The following BCL10 variants were observed in gnomAD, a reference collection of about 807,000 sequenced individuals.
BCL10 encodes the protein BCL10 immune signaling adaptor, also known as B-cell lymphoma/leukemia 10.
Under a neutral mutation model 19.2 loss-of-function variants are expected in BCL10, and 5 were observed. That is an observed-to-expected ratio of 0.26 (90% CI 0.14 to 0.55). BCL10 has a LOEUF of 0.55. Among genes scored for constraint, BCL10 ranks in the 20% least tolerant of loss-of-function variants. BCL10 has a pLI of 0.94. For synonymous variants in BCL10, 110 were observed against 98.8 expected (o/e 1.11, Z -0.67); for missense variants, 201 against 271.9 (o/e 0.74, Z 1.83).
rs1660197965 is a variant in BCL10 at position 85,266,560 on chromosome 1, C to T, written c.*1067G>A. The T allele has an allele frequency of 5.5e-6, 1 of 182,504 alleles. No homozygotes were observed. The highest frequency in any genetic ancestry group is 1.2e-5 in the Non-Finnish European group (1 of 85,670). 11.3% of individuals were successfully genotyped at this position (182,504 alleles called of 1,614,324 possible). On this transcript the variant is annotated 3_prime_UTR_variant, in exon 3 of 3. Coordinates refer to ENST00000648566, the MANE Select transcript of BCL10 (RefSeq NM_003921.5). ...CCTCATTAAAAGAGAATGAAAAGTA[C>T]AGAGAAAATATTTTTTAAAAATCTC...
intron 1 of BCL10, among the ~76,000 whole-genome samples, chr1:85,271,466 G>A (rs2100748811): frequency 6.6e-6 from 1 of 152,256 alleles, no homozygotes; most frequent in East Asian, 1.9e-4. Flanking sequence ...AGTCTTGGTG[G>A]AAGGGAGATG....
At position 85,276,325 on chromosome 1, in the gene BCL10, C is replaced by G. The variant is rs1403156514; in HGVS notation, c.28G>C (p.Glu10Gln). 6.2e-7 allele frequency: 1 copy of G among 1,613,474 alleles called. No homozygotes were observed. Among genetic ancestry groups the G allele is most frequent in the Non-Finnish European group, 8.5e-7 (1 of 1,179,664 alleles). Reference protein sequence around the residue: MEPTAPSLTEEDLTEVKKDA... With the variant: MEPTAPSLTQEDLTEVKKDA... ...TTCTTCACTTCAGTGAGGTCCTCCT[C>G]GGTGAGGGACGGTGCGGTGGGCTCC... Residue 10 changes from glutamate (E) to glutamine (Q), a missense_variant, in exon 1 of 3, where the codon GAG becomes CAG. Physicochemically the swap from Glu to Gln is conservative, Grantham distance 29 (BLOSUM62 2). Around this residue, in one of 3 missense-constraint regions of BCL10, gnomAD observed 24 missense variants for 16.6 expected, o/e 1.45. Transcript: ENST00000648566.
At chr1:85,275,967 G>T (rs1220903513) in intron 1 of BCL10, among the ~76,000 whole-genome samples, 2 of 152,236 alleles carry the variant, frequency 1.3e-5, no homozygotes, top group African/African-American at 2.4e-5. Context: ...AATCTGAGCC[G>T]CCAGTCCCTA....
chr1:85,272,625 C>T (rs12134420), intron 1 of BCL10, among the ~76,000 whole-genome samples: 30,063 of 151,936 alleles, frequency 0.2, 3,038 homozygotes, highest in Middle Eastern at 0.21. Context: ...AGTTCCTTTA[C>T]GTGGCAGAAG....
intron 1 of BCL10, among the ~76,000 whole-genome samples, chr1:85,272,299 A>G (rs1041998131): frequency 6.6e-6 from 1 of 152,100 alleles, no homozygotes; most frequent in African/African-American, 2.4e-5. Flanking sequence ...TGGCTTGATC[A>G]TAGCTCACTG....
intron 1 of BCL10, among the ~76,000 whole-genome samples, chr1:85,274,623 G>A (rs779163276): frequency 6.6e-6 from 1 of 152,156 alleles, no homozygotes; most frequent in Non-Finnish European, 1.5e-5. Flanking sequence ...TTTGGGAAAA[G>A]GATAGTAAAA....
rs1660212992 is a variant in BCL10, at chr1:85,266,909, A to AAAAAAACC, written c.*717_*718insGGTTTTTT. On this transcript the variant is annotated 3_prime_UTR_variant, in exon 3 of 3. Coordinates refer to ENST00000648566, the MANE Select transcript of BCL10 (RefSeq NM_003921.5). ...AAAAAAAAAAAAAAAGAAAAAAGGA[A>AAAAAAACC]AAAATACCTCATCAAATTACATGTA... 5.5e-6 allele frequency: 1 copy of AAAAAAACC among 180,508 alleles called. No homozygotes were observed. Among genetic ancestry groups the AAAAAAACC allele is most frequent in the African/African-American group, 2.4e-5 (1 of 41,884 alleles). The allele number at this position is 180,508 out of a possible 1,614,324, so 11.2% of individuals were successfully genotyped here.
chr1:85,271,198 T>C (rs1220448895), intron 1 of BCL10, among the ~76,000 whole-genome samples: 2 of 152,186 alleles, frequency 1.3e-5, no homozygotes, highest in Non-Finnish European at 2.9e-5. Flanking sequence ...GGAGGTCTGT[T>C]GAGGGCCATC....
chr1:85,276,382 G>A lies in BCL10; in HGVS notation c.-30C>T, dbSNP rs368697344. Reference sequence around the variant, plus strand: ...GAGGCGGGAGATGGCGCTTCTTCCGGGTCCGGGAGCTCGGGCTGCGCCGCC... The same window carrying A: ...GAGGCGGGAGATGGCGCTTCTTCCGAGTCCGGGAGCTCGGGCTGCGCCGCC... On this transcript the variant is annotated 5_prime_UTR_variant, in exon 1 of 3. Coordinates refer to ENST00000648566, the MANE Select transcript of BCL10 (RefSeq NM_003921.5). The A allele has an allele frequency of 2.5e-6, 4 of 1,612,838 alleles. No homozygotes were observed. In the African/African-American group the frequency reaches 4.0e-5, roughly 16 times the overall value.
intron 1 of BCL10, among the ~76,000 whole-genome samples, chr1:85,272,824 A>G (rs1463014990): frequency 1.3e-5 from 2 of 152,188 alleles, no homozygotes; most frequent in Non-Finnish European, 2.9e-5. Flanking sequence ...GGAATACTAT[A>G]TATGAAGGCC....
At chr1:85,270,542 G>A in intron 2 of BCL10, 76 bp downstream of exon 2, 1 of 1,380,642 alleles carries the variant, frequency 7.2e-7, no homozygotes, top group Non-Finnish European at 9.9e-7. Context: ...CTAAAGTGCA[G>A]GCACCTGGCC....
At position 85,268,547 on chromosome 1, in the gene BCL10, A is replaced by T. The variant is rs535774974; in HGVS notation, c.347-565T>A. 9.1e-4 allele frequency among the ~76,000 whole-genome samples: 138 copies of T among 152,272 alleles called. 2 individuals carry two copies. The highest frequency in any genetic ancestry group is 3.1e-3 in the African/African-American group (129 of 41,578). On this transcript the variant is annotated intron_variant, in intron 2 of 2. Transcript: ENST00000648566. Reference sequence around the variant, plus strand: ...CACTTTGGGAGGCCGAAGTGGGCAGATCATGAGGTCAGGAGTTTGAGATCA... The same window carrying T: ...CACTTTGGGAGGCCGAAGTGGGCAGTTCATGAGGTCAGGAGTTTGAGATCA...
At position 85,267,801 on chromosome 1, in the gene BCL10, A is replaced by C; in HGVS notation, c.528T>G (p.Val176=). Reference sequence around the variant, plus strand: ...TATTTTCAGTTCTGCCTACTTCTAGAACAGGCAAATTCAGAGAAGAATTAG... The same window carrying C: ...TATTTTCAGTTCTGCCTACTTCTAGCACAGGCAAATTCAGAGAAGAATTAG... ...FSTNSSLNLP[V]LEVGRTENTI... The change falls in exon 3 of 3, where the codon GTT becomes GTG. Residue 176 remains valine (V), a synonymous_variant. Transcript: ENST00000648566. 4.3e-6 allele frequency: 7 copies of C among 1,614,236 alleles called. No individual in the cohort carries two copies. The highest frequency in any genetic ancestry group is 5.9e-6 in the Non-Finnish European group (7 of 1,180,040).
intron 1 of BCL10, 23 bp from the exon 2 acceptor site, chr1:85,270,929 C>A: frequency 6.3e-7 from 1 of 1,585,364 alleles, no homozygotes; most frequent in South Asian, 1.2e-5. Context: ...AAATATGGTT[C>A]AATGTTATTT....
chr1:85,273,482 TAC>T (rs1189418013), intron 1 of BCL10, among the ~76,000 whole-genome samples: 1 of 152,252 alleles, frequency 6.6e-6, no homozygotes, highest in African/African-American at 2.4e-5. Context: ...TAAAGGGTTT[TAC>T]ACCATTTTTC....
At chr1:85,269,529 C>A (rs1660303027) in intron 2 of BCL10, among the ~76,000 whole-genome samples, 2 of 152,210 alleles carry the variant, frequency 1.3e-5, no homozygotes, top group East Asian at 3.9e-4. Context: ...CATGTCTATT[C>A]CATGCTATAC....
At chr1:85,273,268 C>A (rs1660415534) in intron 1 of BCL10, among the ~76,000 whole-genome samples, 1 of 152,142 alleles carries the variant, frequency 6.6e-6, no homozygotes, top group Non-Finnish European at 1.5e-5. Context: ...CCCTTATTGC[C>A]AAATATTTTC....
chr1:85,267,510 CA>C lies in BCL10; in HGVS notation c.*116del, dbSNP rs376715437. 296 of 815,050 alleles carry C rather than the reference CA, an allele frequency of 3.6e-4. 1 individual carries two copies. The African/African-American group carries it at 4.7e-3, about 13-fold the overall frequency. 50.5% of individuals were successfully genotyped at this position (815,050 alleles called of 1,614,324 possible). Reference sequence around the variant, plus strand: ...AAATCCTATTTACAAAGTATGCTTACATTGCATTTTAAAAGACATGCATCAA... The same window carrying C: ...AAATCCTATTTACAAAGTATGCTTACTTGCATTTTAAAAGACATGCATCAA... On this transcript the variant is annotated 3_prime_UTR_variant, in exon 3 of 3. Transcript: ENST00000648566.
chr1:85,268,554 G>A (rs891460179), intron 2 of BCL10, among the ~76,000 whole-genome samples: 1 of 152,128 alleles, frequency 6.6e-6, no homozygotes, highest in African/African-American at 2.4e-5. Context: ...CAGATCATGA[G>A]GTCAGGAGTT....
Sources: gnomAD v4.1 joint callset for allele counts (sites outside exome capture counted in the v4.1 genomes callset) on GRCh38, gnomAD v4.1.1 for gene constraint, gnomAD v4.1.1 regional missense constraint, MANE v1.5 for transcripts, NCBI Gene and HGNC (gene_info 2026-07-23, HGNC 2026-07-21) for gene names.